Variants in PRR29 observed in about 807,000 individuals in gnomAD.
PRR29 encodes the protein proline-rich protein 29.
PRR29 carries 20 observed loss-of-function variants against 25.1 expected under a neutral mutation model. The ratio of observed to expected loss-of-function variants is 0.80; its 90% CI spans 0.56 to 1.16. The LOEUF (loss-of-function observed/expected upper bound fraction) is 1.16, where lower values mean the gene tolerates loss of function less well. PRR29 is among the 50% of genes most tolerant of loss of function. PRR29 has a pLI of 0.00. For missense variants in PRR29, 238 were observed against 246.6 expected (o/e 0.97, Z 0.23); for synonymous variants, 108 against 102.6 (o/e 1.05, Z -0.32).
chr17:64,001,037 C>A, intron 3 of PRR29, 47 bp from the exon 4 acceptor site: 1 of 1,443,416 alleles, frequency 6.9e-7, no homozygotes, highest in Non-Finnish European at 9.4e-7. Flanking sequence ...TGGGGAGAGC[C>A]TGATGGTAGA....
At chr17:64,001,658 C>A in intron 5 of PRR29, 75 bp from the exon 6 acceptor site, 1 of 1,521,370 alleles carries the variant, frequency 6.6e-7, no homozygotes, top group South Asian at 1.2e-5. Flanking sequence ...AGGCAACTGG[C>A]CTGTCCCCTT....
At position 64,002,150 on chromosome 17, in the gene PRR29, G is replaced by C; in HGVS notation, c.*389G>C. The C allele has an allele frequency of 1.3e-6, 1 of 789,264 alleles. No individual in the cohort carries two copies. Among genetic ancestry groups the C allele is most frequent in the South Asian group, 1.8e-5 (1 of 54,306 alleles). 48.9% of individuals were successfully genotyped at this position (789,264 alleles called of 1,614,324 possible). A position where few individuals can be genotyped will look rare whatever the true frequency, so the allele number is the denominator to read the frequency against. The stretch of plus-strand genomic sequence containing the variant: ...AGCCTAGTAATGGAGCAAGAGGGGA[G>C]GGGGGGATTCCTTCTGCTTTCCACA... On this transcript the variant is annotated 3_prime_UTR_variant, in exon 6 of 6. Coordinates refer to ENST00000412177, the MANE Select transcript of PRR29 (RefSeq NM_001164257.2).
In PRR29 at chr17:63,998,512, G is replaced by T. The variant is rs1910276484; in HGVS notation, c.60+88G>T. 63 of 1,369,484 alleles carry T rather than the reference G, an allele frequency of 4.6e-5. 2 individuals are homozygous for T. The South Asian group carries it at 8.8e-4, about 19-fold the overall frequency. The allele number at this position is 1,369,484 out of a possible 1,614,324, so 84.8% of individuals were successfully genotyped here. ...TCCCTGGAGGGGCCAGATCCTGGAG[G>T]GGTGGGGGACGAGGAGAGACAGCCC... On this transcript the variant is annotated intron_variant, in intron 1 of 5. Transcript: ENST00000412177.
Position 64,001,117 on chromosome 17 carries a change from G to C in PRR29, c.277G>C (p.Glu93Gln). ...GGAGGTTCCACAGGAAGAGCCTGAG[G>C]AGGAGGAGGAGGAGATGGACGTGCG... ...YLEVPQEEPE[E>Q]EEEEMDVREK... The change falls in exon 4 of 6, where the codon GAG becomes CAG. Residue 93 changes from glutamate (E) to glutamine (Q), a missense_variant. Glu to Gln is a conservative substitution (Grantham distance 29, BLOSUM62 2). Transcript: ENST00000412177. 1 of 1,537,204 alleles carries C rather than the reference G, an allele frequency of 6.5e-7. No individual in the cohort carries two copies. The highest frequency in any genetic ancestry group is 8.7e-7 in the Non-Finnish European group (1 of 1,146,838).
Position 64,002,709 on chromosome 17 carries a change from A to G in PRR29, c.*948A>G. On this transcript the variant is annotated 3_prime_UTR_variant, in exon 6 of 6. Coordinates refer to ENST00000412177, the MANE Select transcript of PRR29 (RefSeq NM_001164257.2). ...ACCCTGAGGAGTCACACTGAGTTCC[A>G]GTGACCACCGTGGTGGTGGCCATGC... The G allele has an allele frequency of 6.3e-7, 1 of 1,583,630 alleles. No individual in the cohort carries two copies. The highest frequency in any genetic ancestry group is 8.6e-7 in the Non-Finnish European group (1 of 1,161,384).
At position 63,999,022 on chromosome 17, in the gene PRR29, G is replaced by A. The variant is rs765215410; in HGVS notation, c.191G>A (p.Ser64Asn). 6.8e-5 allele frequency: 105 copies of A among 1,535,982 alleles called. No homozygotes were observed. The highest frequency in any genetic ancestry group is 8.5e-5 in the Non-Finnish European group (98 of 1,146,812). Residue 64 changes from serine (S) to asparagine (N), a missense_variant, in exon 3 of 6, where the codon AGT (serine) becomes AAT (asparagine). Transcript: ENST00000412177. ...QNAQMHQLLL[S>N]RLVAGALQPR... is the part of the protein sequence containing the mutation. ...GCGCAGATGCACCAGCTGCTGCTGAGTCGCCTGGTGGCTGGAGCGCTGCAG... is the reference window on the plus strand; with the variant it reads ...GCGCAGATGCACCAGCTGCTGCTGAATCGCCTGGTGGCTGGAGCGCTGCAG...
At chr17:64,000,818 A>C in intron 3 of PRR29, 8 of 317,952 alleles carry the variant, frequency 2.5e-5, no homozygotes, top group East Asian at 1.2e-4. Flanking sequence ...ATGCCCAGCT[A>C]ATTTTTTTTT....
chr17:63,998,517 G>T, intron 1 of PRR29, 93 bp downstream of exon 1: 2 of 1,353,842 alleles, frequency 1.5e-6, no homozygotes, highest in Non-Finnish European at 2.0e-6. Flanking sequence ...TGGAGGGGTG[G>T]GGGACGAGGA....
Position 63,998,748 on chromosome 17 carries a change from A to G in PRR29, c.102A>G (p.Pro34=). 6.8e-7 allele frequency: 1 copy of G among 1,465,212 alleles called. No homozygotes were observed. The highest frequency in any genetic ancestry group is 8.9e-7 in the Non-Finnish European group (1 of 1,117,950). 90.8% of individuals were successfully genotyped at this position (1,465,212 alleles called of 1,614,324 possible). ...TFLQPLSWAV[P]PAPPQPGRVK... is the part of the protein sequence containing the mutation. ...TGCAGCCCCTCTCGTGGGCCGTCCC[A>G]CCTGCGCCCCCGCAGCCAGGCCGCG... is the stretch of plus-strand genomic sequence containing the variant. Residue 34 remains proline (P), a synonymous_variant, in exon 2 of 6, where the codon CCA becomes CCG. Coordinates refer to ENST00000412177, the MANE Select transcript of PRR29 (RefSeq NM_001164257.2).
chr17:64,001,814 C>G lies in PRR29; in HGVS notation c.*53C>G, dbSNP rs185080475. 5.8e-5 allele frequency: 89 copies of G among 1,537,092 alleles called. 2 individuals carry two copies. In the Admixed American group the frequency reaches 5.9e-4, roughly 10 times the overall value. ...CCAGCTTCCTGCTCTGGATACAGCC[C>G]CGGAGCCGCCTCCTGCACCTCTCTT... On this transcript the variant is annotated 3_prime_UTR_variant, in exon 6 of 6. Coordinates refer to ENST00000412177, the MANE Select transcript of PRR29 (RefSeq NM_001164257.2).
chr17:63,999,265 C>T (rs1910397649), intron 3 of PRR29, 191 bp downstream of exon 3: 7 of 598,686 alleles, frequency 1.2e-5, no homozygotes, highest in South Asian at 2.0e-5. Flanking sequence ...GGAAGAGACC[C>T]CCCAAAGTCC....
rs1910963130 is a variant in PRR29 at position 64,003,596 on chromosome 17, C to T, written c.*1835C>T. On this transcript the variant is annotated 3_prime_UTR_variant, in exon 6 of 6. Transcript: ENST00000412177. Reference sequence around the variant, plus strand: ...TCAAGATTTTTCTTCCCCCGAGGGGCTGAAAGTGACTTATCACTCCCAACT... The same window carrying T: ...TCAAGATTTTTCTTCCCCCGAGGGGTTGAAAGTGACTTATCACTCCCAACT... The T allele has an allele frequency of 1.3e-6, 2 of 1,552,612 alleles. No homozygotes were observed. The highest frequency in any genetic ancestry group is 2.4e-5 in the South Asian group (2 of 83,028).
In PRR29 at chr17:63,998,356, G is replaced by A; in HGVS notation, c.-9G>A. On this transcript the variant is annotated 5_prime_UTR_variant, in exon 1 of 6. Transcript: ENST00000412177. ...GTCCTCGGCGTCGCCAAGGCAACCG[G>A]CGCCAGCCATGGCCTCTGGGGCGGG... The A allele has an allele frequency of 6.5e-7, 1 of 1,531,718 alleles. No homozygotes were observed. The highest frequency in any genetic ancestry group is 8.7e-7 in the Non-Finnish European group (1 of 1,145,066). 94.9% of individuals were successfully genotyped at this position (1,531,718 alleles called of 1,614,324 possible). A position where few individuals can be genotyped will look rare whatever the true frequency, so the allele number is the denominator to read the frequency against.
intron 3 of PRR29, 92 bp from the exon 4 acceptor site, chr17:64,000,991 TG>T: frequency 1.8e-6 from 2 of 1,094,860 alleles, no homozygotes; most frequent in Non-Finnish European, 2.7e-6. Context: ...AAAGCCTATC[TG>T]GAGGAAATAA....
Position 64,002,953 on chromosome 17 carries a change from G to C in PRR29, c.*1192G>C, listed in dbSNP as rs909860901. 3 of 1,597,498 alleles carry C rather than the reference G, an allele frequency of 1.9e-6. No individual in the cohort carries two copies. In the African/African-American group the frequency reaches 4.0e-5, roughly 21 times the overall value. Reference sequence around the variant, plus strand: ...GGGGAGGGAGGGGGCAAGGGTCTTAGACGTCCTGTGATCCCAGTTACCAGG... The same window carrying C: ...GGGGAGGGAGGGGGCAAGGGTCTTACACGTCCTGTGATCCCAGTTACCAGG... On this transcript the variant is annotated 3_prime_UTR_variant, in exon 6 of 6. Transcript: ENST00000412177.
rs1443383094 is a variant in PRR29 at position 64,003,620 on chromosome 17, C to T, written c.*1859C>T. ...GCTGAAAGTGACTTATCACTCCCAA[C>T]TCCATCCACGGATCCCCCCTCACCA... On this transcript the variant is annotated 3_prime_UTR_variant, in exon 6 of 6. Coordinates refer to ENST00000412177, the MANE Select transcript of PRR29 (RefSeq NM_001164257.2). The T allele has an allele frequency of 3.8e-6, 6 of 1,597,904 alleles. No individual in the cohort carries two copies. Among genetic ancestry groups the T allele is most frequent in the Non-Finnish European group, 5.1e-6 (6 of 1,170,420 alleles).
rs536378655 is a variant in PRR29, at chr17:64,003,216, G to A, written c.*1455G>A. 4 of 457,140 alleles carry A rather than the reference G, an allele frequency of 8.8e-6. No homozygotes were observed. Among genetic ancestry groups the A allele is most frequent in the Middle Eastern group, 6.0e-4 (1 of 1,666 alleles). 28.3% of individuals were successfully genotyped at this position (457,140 alleles called of 1,614,324 possible). A position where few individuals can be genotyped will look rare whatever the true frequency, so the allele number is the denominator to read the frequency against. On this transcript the variant is annotated 3_prime_UTR_variant, in exon 6 of 6. Transcript: ENST00000412177. ...GACCAGTGTGTAGCTGCTGGACACCGTGGCCTGGAGGGTGGCATGGTCCCA... is the reference window on the plus strand; with the variant it reads ...GACCAGTGTGTAGCTGCTGGACACCATGGCCTGGAGGGTGGCATGGTCCCA...
rs1567843178 is a variant in PRR29 at position 64,002,836 on chromosome 17, T to A, written c.*1075T>A. ...TGCTGGCGCAAGTGCTGGCCGAAGA[T>A]GAAGCAGAGCAGGACAGATGTCACG... is the stretch of plus-strand genomic sequence containing the variant. On this transcript the variant is annotated 3_prime_UTR_variant, in exon 6 of 6. Transcript: ENST00000412177. The A allele has an allele frequency of 1.2e-6, 2 of 1,613,774 alleles. No homozygotes were observed. The highest frequency in any genetic ancestry group is 8.5e-7 in the Non-Finnish European group (1 of 1,179,992).
intron 1 of PRR29, 57 bp downstream of exon 1, chr17:63,998,481 G>A: frequency 6.9e-7 from 1 of 1,440,426 alleles, no homozygotes; most frequent in East Asian, 2.5e-5. Flanking sequence ...GCAGAGTGGG[G>A]AGCTGTCCCT....
Sources: gnomAD v4.1 joint callset for allele counts on GRCh38, gnomAD v4.1.1 for gene constraint, MANE v1.5 for transcripts, NCBI Gene and HGNC (gene_info 2026-07-23, HGNC 2026-07-21) for gene names.